Variants in NEBL observed in about 807,000 individuals in gnomAD.
The protein encoded by NEBL is nebulette, also known as LIM and SH3 protein 2.
In NEBL, 122 loss-of-function variants were observed where a neutral mutation model predicts 140.2. The ratio of observed to expected loss-of-function variants is 0.87; its 90% CI spans 0.75 to 1.01. NEBL has a LOEUF of 1.01. Among genes scored for constraint, NEBL ranks in the 50% least tolerant of loss-of-function variants. NEBL has a pLI of 0.00. For synonymous variants in NEBL, 436 were observed against 398.9 expected (o/e 1.09, Z -1.11); for missense variants, 1,365 against 1,231.3 (o/e 1.11, Z -1.62).
At chr10:21,158,588 T>C (rs1414249443) in intron 2 of NEBL, among the ~76,000 whole-genome samples, 3 of 152,100 alleles carry the variant, frequency 2.0e-5, no homozygotes, top group Admixed American at 6.5e-5. Context: ...CCCCACCACA[T>C]CCGCTCTCAC....
chr10:21,004,052 G>C (rs972035943), intron 3 of NEBL, among the ~76,000 whole-genome samples: 1 of 152,164 alleles, frequency 6.6e-6, no homozygotes, highest in Non-Finnish European at 1.5e-5. Flanking sequence ...ATTGTAACCT[G>C]AAATTTTTTC....
chr10:20,859,905 G>C, intron 7 of NEBL, 79 bp from the exon 8 acceptor site: 3 of 719,570 alleles, frequency 4.2e-6, no homozygotes. Context: ...TAAAATAAAA[G>C]CTACCTTAAA....
At chr10:20,970,883 A>G (rs1421580329) in intron 3 of NEBL, among the ~76,000 whole-genome samples, 1 of 152,228 alleles carries the variant, frequency 6.6e-6, no homozygotes. Context: ...AAAATGCCAA[A>G]GCGAAAAATA....
intron 2 of NEBL, among the ~76,000 whole-genome samples, chr10:21,031,051 T>C (rs1002381442): frequency 3.3e-5 from 5 of 152,226 alleles, no homozygotes; most frequent in African/African-American, 9.6e-5. Context: ...AACAGAGTAG[T>C]AGAAAGAATG....
At chr10:20,831,707 AT>A in intron 14 of NEBL, 124 bp from the exon 15 acceptor site, 1 of 686,136 alleles carries the variant, frequency 1.5e-6, no homozygotes, top group Non-Finnish European at 2.6e-6. Flanking sequence ...TATTTCTTTT[AT>A]TTCTATAGAA....
At chr10:20,915,534 C>T (rs996721265) in intron 4 of NEBL, among the ~76,000 whole-genome samples, 7 of 151,376 alleles carry the variant, frequency 4.6e-5, no homozygotes, top group Non-Finnish European at 1.0e-4. Context: ...CGATAGTTTA[C>T]TGAGAATGAT....
Position 20,859,787 on chromosome 10 carries a change from T to C in NEBL, c.724A>G (p.Lys242Glu), listed in dbSNP as rs757882607. The change falls in exon 8 of 28, where the codon AAG becomes GAG. Residue 242 changes from lysine (K) to glutamate (E), a missense_variant. Transcript: ENST00000377122. ...TCAAGAGGATTGTAATGATGTTTCT[T>C]ATCCTTCATTTCATTATCAAATTTT... The part of the protein sequence containing the change: ...KEKFDNEMKD[K>E]KHHYNPLESA... 6.3e-7 allele frequency: 1 copy of C among 1,592,630 alleles called. No individual in the cohort carries two copies. Among genetic ancestry groups the C allele is most frequent in the Non-Finnish European group, 8.6e-7 (1 of 1,162,688 alleles).
intron 2 of NEBL, among the ~76,000 whole-genome samples, chr10:21,140,213 T>A (rs1218764682): frequency 2.0e-5 from 3 of 152,100 alleles, no homozygotes; most frequent in Non-Finnish European, 4.4e-5. Context: ...TGGTTGAGAA[T>A]CTGATATCTT....
chr10:21,021,974 C>T (rs1221387106), intron 2 of NEBL, among the ~76,000 whole-genome samples: 2 of 152,168 alleles, frequency 1.3e-5, no homozygotes. Flanking sequence ...TAAGGCATGT[C>T]GTCGCATTTG....
At chr10:20,900,411 G>A (rs1331788522), upstream of NEBL, among the ~76,000 whole-genome samples, 1 of 152,172 alleles carries the variant, frequency 6.6e-6, no homozygotes, top group African/African-American at 2.4e-5. Context: ...GGTGCGCAGT[G>A]GCACACGCCT....
chr10:21,268,802 G>A (rs139217276), intron 1 of NEBL, among the ~76,000 whole-genome samples: 3,747 of 152,174 alleles, frequency 0.025, 51 homozygotes, highest in Middle Eastern at 0.058. Context: ...TGGGATTACA[G>A]GCATGAGCCA....
intron 2 of NEBL, among the ~76,000 whole-genome samples, chr10:21,129,181 T>A (rs191904228): frequency 6.6e-6 from 1 of 152,166 alleles, no homozygotes; most frequent in African/African-American, 2.4e-5. Context: ...AAGAAAATGA[T>A]GAAGGTCAGG....
intron 3 of NEBL, among the ~76,000 whole-genome samples, chr10:21,202,680 T>C (rs762953396): frequency 6.6e-6 from 1 of 152,022 alleles, no homozygotes; most frequent in Non-Finnish European, 1.5e-5. Context: ...GCCAGGATGG[T>C]CTCGATTTCC....
chr10:21,098,203 TACAC>T (rs1237776642), intron 2 of NEBL, among the ~76,000 whole-genome samples: 1 of 116,576 alleles, frequency 8.6e-6, no homozygotes, highest in Non-Finnish European at 2.2e-5. Context: ...CTCATTCACA[TACAC>T]ACACATTCTC....
intron 2 of NEBL, among the ~76,000 whole-genome samples, chr10:21,147,339 G>T (rs1438868406): frequency 1.3e-5 from 2 of 151,098 alleles, no homozygotes; most frequent in Non-Finnish European, 2.9e-5. Context: ...AGCAGAGAAA[G>T]TCCCTCTCCT....
intron 2 of NEBL, among the ~76,000 whole-genome samples, chr10:21,165,684 G>A (rs943950460): frequency 6.6e-6 from 1 of 152,162 alleles, no homozygotes; most frequent in African/African-American, 2.4e-5. Flanking sequence ...AGATCCCTTG[G>A]AGGATACAGA....
chr10:21,008,277 A>T (rs1473333629), intron 3 of NEBL, among the ~76,000 whole-genome samples: 1 of 152,196 alleles, frequency 6.6e-6, no homozygotes, highest in East Asian at 1.9e-4. Context: ...TTCACTTTAC[A>T]CAGTCAACTG....
At position 20,812,494 on chromosome 10, in the gene NEBL, T is replaced by C. The variant is rs10828136; in HGVS notation, c.2518+275A>G. ...CCTCCCCCCACCTCACAACAGGCCC[T>C]GGTGTGTGATACAAGGAGGAACATT... is the stretch of plus-strand genomic sequence containing the variant. On this transcript the variant is annotated intron_variant, in intron 24 of 27. Transcript: ENST00000377122. 0.51 allele frequency among the ~76,000 whole-genome samples: 66,899 copies of C among 131,052 alleles called. 17,473 individuals are homozygous for C. Among genetic ancestry groups the C allele is most frequent in the African/African-American group, 0.72 (27,131 of 37,498 alleles). 86.0% of individuals were successfully genotyped at this position (131,052 alleles called of 152,430 possible). A position where few individuals can be genotyped will look rare whatever the true frequency, so the allele number is the denominator to read the frequency against.
intron 2 of NEBL, among the ~76,000 whole-genome samples, chr10:21,028,101 C>T (rs994985998): frequency 4.0e-5 from 6 of 151,652 alleles, no homozygotes; most frequent in Admixed American, 2.0e-4. Context: ...ATAGCACACA[C>T]CTATAATCCT....
Sources: gnomAD v4.1 joint callset for allele counts (sites outside exome capture counted in the v4.1 genomes callset) on GRCh38, gnomAD v4.1.1 for gene constraint, MANE v1.5 for transcripts, NCBI Gene and HGNC (gene_info 2026-07-23, HGNC 2026-07-21) for gene names.